The following NRDE2 variants were observed in gnomAD, a reference collection of about 807,000 sequenced individuals.
NRDE2 encodes NRDE-2, necessary for RNA interference, domain containing.
Under a neutral mutation model 124.2 loss-of-function variants are expected in NRDE2, and 76 were observed. The observed-to-expected ratio is 0.61, with a 90% CI of 0.51 to 0.74. The LOEUF is 0.74. Ranked by LOEUF, NRDE2 falls within the 30% of genes least tolerant of loss-of-function variation. The pLI is 0.00. For missense variants in NRDE2, 1,314 were observed against 1,417.3 expected (o/e 0.93, Z 1.17); for synonymous variants, 489 against 528.1 (o/e 0.93, Z 1.01).
rs1232555015 is a variant in NRDE2, at chr14:90,270,780, A to G, written c.*7556T>C. On this transcript the variant is annotated 3_prime_UTR_variant, in exon 14 of 14. Coordinates refer to ENST00000354366, the MANE Select transcript of NRDE2 (RefSeq NM_017970.4). ...GTACCAGATTATACTTCTTGGTTTT[A>G]TGACAAATGTACATGAGTTAGGACA... 6.5e-6 allele frequency: 1 copy of G among 154,296 alleles called. No homozygotes were observed. Among genetic ancestry groups the G allele is most frequent in the Non-Finnish European group, 1.4e-5 (1 of 69,566 alleles). 9.6% of individuals were successfully genotyped at this position (154,296 alleles called of 1,614,324 possible). A position where few individuals can be genotyped will look rare whatever the true frequency, so the allele number is the denominator to read the frequency against.
chr14:90,285,798 T>G (rs1050546496), intron 12 of NRDE2, among the ~76,000 whole-genome samples: 6 of 151,970 alleles, frequency 3.9e-5, no homozygotes, highest in Middle Eastern at 3.2e-3. Context: ...CATGCCCAGC[T>G]AATGTTTTAA....
chr14:90,288,921 A>G lies in NRDE2; in HGVS notation c.2454T>C (p.Ser818=). 1 of 1,613,340 alleles carries G rather than the reference A, an allele frequency of 6.2e-7. No homozygotes were observed. The highest frequency in any genetic ancestry group is 8.5e-7 in the Non-Finnish European group (1 of 1,179,282). The change falls in exon 11 of 14, where the codon TCT becomes TCC. Residue 818 remains serine (S), a synonymous_variant. Coordinates refer to ENST00000354366, the MANE Select transcript of NRDE2 (RefSeq NM_017970.4). Reference sequence around the variant, plus strand: ...AGAGCAGACTGAGCTCACAGAGGTCAGAGTCTTTCAGTTCTCTGCTTCCTG... The same window carrying G: ...AGAGCAGACTGAGCTCACAGAGGTCGGAGTCTTTCAGTTCTCTGCTTCCTG... ...GMAGSRELKD[S]DLCELSLLYA...
At chr14:90,302,102 A>C (rs1383298505) in intron 6 of NRDE2, among the ~76,000 whole-genome samples, 1 of 152,150 alleles carries the variant, frequency 6.6e-6, no homozygotes, top group African/African-American at 2.4e-5. Flanking sequence ...CAGTCCTGTA[A>C]AGCAGGTTTA....
At chr14:90,328,976 A>C (rs1885561705) in intron 1 of NRDE2, among the ~76,000 whole-genome samples, 2 of 152,228 alleles carry the variant, frequency 1.3e-5, no homozygotes, top group South Asian at 4.1e-4. Context: ...GTGAAATTTG[A>C]ACACTGACTG....
rs1891603637 is a variant in NRDE2 at position 90,269,389 on chromosome 14, T to TC, written c.*8946_*8947insG. The TC allele has an allele frequency of 6.3e-7, 1 of 1,597,276 alleles. No individual in the cohort carries two copies. The highest frequency in any genetic ancestry group is 1.7e-5 in the Admixed American group (1 of 57,392). ...GTCTTCATTCCTTCCCTTTTTTTTT[T>TC]TCCAAAGATATGACTCCAATTCTGG... On this transcript the variant is annotated 3_prime_UTR_variant, in exon 14 of 14. Coordinates refer to ENST00000354366, the MANE Select transcript of NRDE2 (RefSeq NM_017970.4).
chr14:90,321,037 A>G (rs1440669533), intron 1 of NRDE2, among the ~76,000 whole-genome samples: 1 of 152,220 alleles, frequency 6.6e-6, no homozygotes, highest in South Asian at 2.1e-4. Flanking sequence ...TTATTTCCAC[A>G]AAAATCAGAT....
In NRDE2 at chr14:90,275,322, G is replaced by C. The variant is rs770997594; in HGVS notation, c.*3014C>G. The C allele has an allele frequency of 1.3e-5, 2 of 152,114 alleles. No homozygotes were observed. Among genetic ancestry groups the C allele is most frequent in the African/African-American group, 4.8e-5 (2 of 41,420 alleles). 9.4% of individuals were successfully genotyped at this position (152,114 alleles called of 1,614,324 possible). ...CCTGTTCAGTGTCTGTATCGTGGGC[G>C]GGTAGCAGACTCTCAGCAACTGACT... On this transcript the variant is annotated 3_prime_UTR_variant, in exon 14 of 14. Transcript: ENST00000354366.
chr14:90,282,565 T>C (rs2139666876), intron 12 of NRDE2, among the ~76,000 whole-genome samples: 1 of 152,322 alleles, frequency 6.6e-6, no homozygotes, highest in East Asian at 1.9e-4. Context: ...AAAATGAGGT[T>C]TTAACCTGCT....
chr14:90,277,557 AAGC>A lies in NRDE2; in HGVS notation c.*776_*778del, dbSNP rs1444053451. The A allele has an allele frequency of 6.6e-6, 1 of 152,480 alleles. No homozygotes were observed. Among genetic ancestry groups the A allele is most frequent in the African/African-American group, 2.4e-5 (1 of 41,592 alleles). The allele number at this position is 152,480 out of a possible 1,614,324, so 9.4% of individuals were successfully genotyped here. On this transcript the variant is annotated 3_prime_UTR_variant, in exon 14 of 14. Coordinates refer to ENST00000354366, the MANE Select transcript of NRDE2 (RefSeq NM_017970.4). ...AGGCCAGCCTTGGCCTTCATAGTGT[AAGC>A]AGCGTTGCTGCACAAGCGTGCCGGG...
rs983449990 is a variant in NRDE2, at chr14:90,312,683, C to T, written c.408-140G>A. On this transcript the variant is annotated intron_variant, in intron 3 of 13. Coordinates refer to ENST00000354366, the MANE Select transcript of NRDE2 (RefSeq NM_017970.4). ...AACACACCTAAGCACATTAAATGTA[C>T]ATGTGCCACAGAGATGGAAGAGGAC... is the stretch of plus-strand genomic sequence containing the variant. 2.6e-5 allele frequency: 20 copies of T among 777,328 alleles called. No individual in the cohort carries two copies. In the African/African-American group the frequency reaches 3.3e-4, roughly 13 times the overall value. The allele number at this position is 777,328 out of a possible 1,614,324, so 48.2% of individuals were successfully genotyped here.
intron 9 of NRDE2, among the ~76,000 whole-genome samples, chr14:90,291,723 T>A (rs1162045279): frequency 6.6e-6 from 1 of 152,222 alleles, no homozygotes; most frequent in African/African-American, 2.4e-5. Context: ...CACTTCTCTG[T>A]GTCCTCACTC....
At chr14:90,322,880 G>A (rs1885291882) in intron 1 of NRDE2, among the ~76,000 whole-genome samples, 1 of 152,186 alleles carries the variant, frequency 6.6e-6, no homozygotes, top group South Asian at 2.1e-4. Context: ...ATACTTGATA[G>A]ATATAAAATG....
chr14:90,293,437 A>C (rs1317504109), intron 8 of NRDE2, among the ~76,000 whole-genome samples: 1 of 151,058 alleles, frequency 6.6e-6, no homozygotes. Flanking sequence ...TTTGGTAGAG[A>C]TGGGGTTTCA....
At chr14:90,305,888 T>C (rs1412359026) in intron 4 of NRDE2, among the ~76,000 whole-genome samples, 2 of 152,190 alleles carry the variant, frequency 1.3e-5, no homozygotes, top group South Asian at 2.1e-4. Context: ...TTACATTGCA[T>C]GTAAATTTTC....
chr14:90,287,468 T>A (rs1221178191), intron 11 of NRDE2, among the ~76,000 whole-genome samples: 1 of 151,302 alleles, frequency 6.6e-6, no homozygotes, highest in Non-Finnish European at 1.5e-5. Flanking sequence ...AAATAAAAAA[T>A]AAAAAAATTA....
chr14:90,272,148 C>A lies in NRDE2; in HGVS notation c.*6188G>T. On this transcript the variant is annotated 3_prime_UTR_variant, in exon 14 of 14. Transcript: ENST00000354366. This position sits in a 1 kb window ranked among gnomAD's most constrained non-coding sequence, Gnocchi z 4.5. ...ACCTTAGGCGATCCACCTGCCTCGG[C>A]CTCCCAGAGTGCTGGGATTACAGGT... 1 of 1,028,896 alleles carries A rather than the reference C, an allele frequency of 9.7e-7. No individual in the cohort carries two copies. Among genetic ancestry groups the A allele is most frequent in the Non-Finnish European group, 1.4e-6 (1 of 713,036 alleles). 63.7% of individuals were successfully genotyped at this position (1,028,896 alleles called of 1,614,324 possible).
rs1891631431 is a variant in NRDE2 at position 90,270,425 on chromosome 14, T to C, written c.*7911A>G. 3.3e-6 allele frequency: 5 copies of C among 1,506,060 alleles called. No individual in the cohort carries two copies. Among genetic ancestry groups the C allele is most frequent in the Non-Finnish European group, 1.8e-6 (2 of 1,122,780 alleles). The allele number at this position is 1,506,060 out of a possible 1,614,324, so 93.3% of individuals were successfully genotyped here. On this transcript the variant is annotated 3_prime_UTR_variant, in exon 14 of 14. Coordinates refer to ENST00000354366, the MANE Select transcript of NRDE2 (RefSeq NM_017970.4). Reference sequence around the variant, plus strand: ...TCAGGAAAGAGTCTATATGTGCTCTTGGGATGGTGGTTGGCCTGGACAGGT... The same window carrying C: ...TCAGGAAAGAGTCTATATGTGCTCTCGGGATGGTGGTTGGCCTGGACAGGT...
intron 1 of NRDE2, among the ~76,000 whole-genome samples, chr14:90,324,534 G>A (rs1388243060): frequency 2.6e-5 from 4 of 151,934 alleles, no homozygotes; most frequent in Non-Finnish European, 5.9e-5. Flanking sequence ...AAATTAGCCA[G>A]GTGTGGTGGC....
At chr14:90,301,852 T>C (rs1204094977) in intron 6 of NRDE2, 34 of 455,520 alleles carry the variant, frequency 7.5e-5, no homozygotes, top group Admixed American at 6.8e-4. Flanking sequence ...TTCATCTTAC[T>C]TTTGGTACAA....
Sources: gnomAD v4.1 joint callset for allele counts (sites outside exome capture counted in the v4.1 genomes callset) on GRCh38, gnomAD v4.1.1 for gene constraint, Gnocchi (gnomAD v3.1) non-coding constraint, MANE v1.5 for transcripts, NCBI Gene and HGNC (gene_info 2026-07-23, HGNC 2026-07-21) for gene names.